The following EFNA5 variants were observed in gnomAD, a reference collection of about 807,000 sequenced individuals.
EFNA5 encodes the protein ephrin-A5.
A neutral mutation model predicts 22.9 loss-of-function variants in EFNA5; 5 were observed. The observed-to-expected ratio is 0.22, with a 90% CI of 0.11 to 0.46. The LOEUF is 0.46. EFNA5 is among the 20% of genes least tolerant of loss of function. The pLI, the probability that EFNA5 is intolerant of heterozygous loss-of-function variation, is 0.99. For missense variants in EFNA5, 237 were observed against 293.3 expected, an observed-to-expected ratio of 0.81 and a Z score of 1.40; for synonymous variants, 113 against 112.2, an observed-to-expected ratio of 1.01 and a Z score of -0.04.
chr5:107,433,848 C>T (rs1749035886), intron 1 of EFNA5, among the ~76,000 whole-genome samples: 1 of 151,342 alleles, frequency 6.6e-6, no homozygotes, highest in Non-Finnish European at 1.5e-5. Context: ...TTGTAGTGAA[C>T]CGAGATTGTG....
rs544940620 is a variant in EFNA5, at chr5:107,645,247, G to A, written c.125+25242C>T. ...ATTATGTGAAAAGCTTCAAACAAGG[G>A]GACATAAAGATCAGTAAATCTGCCT... On this transcript the variant is annotated intron_variant, in intron 1 of 4. Transcript: ENST00000333274. 1.2e-4 allele frequency among the ~76,000 whole-genome samples: 19 copies of A among 152,202 alleles called. 1 individual carries two copies. In the South Asian group the frequency reaches 1.7e-3, roughly 13 times the overall value.
At chr5:107,621,300 C>T (rs1750032719) in intron 1 of EFNA5, among the ~76,000 whole-genome samples, 1 of 152,174 alleles carries the variant, frequency 6.6e-6, no homozygotes, top group South Asian at 2.1e-4. Context: ...CTTCTGCTTC[C>T]AGCCCTCAGC....
intron 1 of EFNA5, among the ~76,000 whole-genome samples, chr5:107,669,048 G>T (rs1295303831): frequency 2.0e-5 from 3 of 152,086 alleles, no homozygotes; most frequent in African/African-American, 7.2e-5. Context: ...TAGCGGGATA[G>T]GGGGAACTCC....
chr5:107,590,083 A>G (rs1749285412), intron 1 of EFNA5, among the ~76,000 whole-genome samples: 1 of 125,232 alleles, frequency 8.0e-6, no homozygotes, highest in African/African-American at 3.2e-5. Context: ...TAGACAAATC[A>G]TACTTCCATA....
chr5:107,494,249 C>T (rs152563), intron 1 of EFNA5, among the ~76,000 whole-genome samples: 56,453 of 151,750 alleles, frequency 0.37, 10,634 homozygotes, highest in South Asian at 0.49. Context: ...GGTGTGGAGG[C>T]GGAGGCGTGA....
intron 1 of EFNA5, among the ~76,000 whole-genome samples, chr5:107,616,860 G>C (rs936098268): frequency 1.3e-5 from 2 of 152,078 alleles, no homozygotes; most frequent in Non-Finnish European, 2.9e-5. Flanking sequence ...ATATTAATTT[G>C]AATGAGTTCA....
At chr5:107,480,407 A>G (rs1750426919) in intron 1 of EFNA5, among the ~76,000 whole-genome samples, 1 of 152,242 alleles carries the variant, frequency 6.6e-6, no homozygotes, top group Non-Finnish European at 1.5e-5. Context: ...CTTCTAAGAA[A>G]TTGTTTATTA....
chr5:107,610,984 C>T (rs1749811254), intron 1 of EFNA5, among the ~76,000 whole-genome samples: 1 of 152,176 alleles, frequency 6.6e-6, no homozygotes, highest in African/African-American at 2.4e-5. Flanking sequence ...CAGAGACACT[C>T]ATGATGACTC....
intron 1 of EFNA5, among the ~76,000 whole-genome samples, chr5:107,494,337 G>C (rs554765869): frequency 1.3e-5 from 2 of 152,206 alleles, no homozygotes; most frequent in South Asian, 2.1e-4. Flanking sequence ...CCCTGCACTG[G>C]GAGCAGCCGG....
At chr5:107,456,746 T>C (rs1021581989) in intron 1 of EFNA5, among the ~76,000 whole-genome samples, 4 of 152,132 alleles carry the variant, frequency 2.6e-5, no homozygotes, top group Non-Finnish European at 5.9e-5. Context: ...TCACCTCCTG[T>C]CCAGATGAGC....
chr5:107,569,360 TATAC>T (rs1748724975), intron 1 of EFNA5, among the ~76,000 whole-genome samples: 1 of 145,506 alleles, frequency 6.9e-6, no homozygotes, highest in Admixed American at 7.0e-5. Flanking sequence ...TTAAAATATA[TATAC>T]GTGTATATAT....
intron 2 of EFNA5, among the ~76,000 whole-genome samples, chr5:107,398,070 G>C (rs1308133420): frequency 2.0e-5 from 3 of 152,070 alleles, no homozygotes; most frequent in East Asian, 3.9e-4. Flanking sequence ...GTCTCTCTCT[G>C]TGGCCCAGGC....
At chr5:107,508,986 T>C (rs2112432086) in intron 1 of EFNA5, among the ~76,000 whole-genome samples, 1 of 152,330 alleles carries the variant, frequency 6.6e-6, no homozygotes, top group Non-Finnish European at 1.5e-5. Flanking sequence ...AAATGGATAT[T>C]TTAGGTATTC....
At chr5:107,537,820 A>G (rs541881420) in intron 1 of EFNA5, among the ~76,000 whole-genome samples, 22 of 152,200 alleles carry the variant, frequency 1.4e-4, no homozygotes, top group Admixed American at 2.6e-4. Context: ...ATTACTGTGC[A>G]GTATTCAAAA....
intron 1 of EFNA5, among the ~76,000 whole-genome samples, chr5:107,453,465 C>G (rs930375744): frequency 6.6e-6 from 1 of 152,134 alleles, no homozygotes; most frequent in Admixed American, 6.6e-5. Context: ...ATATGGGACT[C>G]TTTCTTATGC....
In EFNA5 at chr5:107,381,464, C is replaced by T. The variant is rs1205667741; in HGVS notation, c.566-88G>A. The T allele has an allele frequency of 2.1e-6, 3 of 1,439,594 alleles. No individual in the cohort carries two copies. The East Asian group carries it at 7.1e-5, about 34-fold the overall frequency. The allele number at this position is 1,439,594 out of a possible 1,614,324, so 89.2% of individuals were successfully genotyped here. On this transcript the variant is annotated intron_variant, in intron 4 of 4. Coordinates refer to ENST00000333274, the MANE Select transcript of EFNA5 (RefSeq NM_001962.3). ...AGCCTGCTGTTAACAGACCTCGCCACCCTCTGCAAAGTAGGGTAATGAACC... is the reference window on the plus strand; with the variant it reads ...AGCCTGCTGTTAACAGACCTCGCCATCCTCTGCAAAGTAGGGTAATGAACC...
intron 1 of EFNA5, among the ~76,000 whole-genome samples, chr5:107,509,228 T>C (rs749394363): frequency 1.3e-5 from 2 of 152,180 alleles, no homozygotes; most frequent in East Asian, 3.8e-4. Flanking sequence ...GATACCCTTT[T>C]ACAGACTCTT....
At chr5:107,588,596 G>A (rs1438716768) in intron 1 of EFNA5, among the ~76,000 whole-genome samples, 3 of 152,294 alleles carry the variant, frequency 2.0e-5, no homozygotes, top group South Asian at 4.1e-4. Context: ...TAACTGTATC[G>A]TATCTGCATT....
chr5:107,528,349 G>C (rs1320085275), intron 1 of EFNA5, among the ~76,000 whole-genome samples: 5 of 151,898 alleles, frequency 3.3e-5, no homozygotes, highest in Admixed American at 3.3e-4. Context: ...TACAGACACA[G>C]CTTATTTGTG....
Sources: allele counts gnomAD v4.1 joint callset (sites outside exome capture counted in the v4.1 genomes callset), GRCh38; gene constraint gnomAD v4.1.1; transcripts MANE v1.5; gene names NCBI Gene and HGNC (gene_info 2026-07-23, HGNC 2026-07-21).